Variants in CHL1 observed in about 807,000 individuals in gnomAD.
CHL1 encodes the protein cell adhesion molecule L1 like, also known as neural cell adhesion molecule L1-like protein.
A neutral mutation model predicts 141.9 loss-of-function variants in CHL1; 96 were observed. The observed-to-expected ratio is 0.68, with a 90% CI of 0.57 to 0.80. The LOEUF (loss-of-function observed/expected upper bound fraction) is 0.80. CHL1 is among the 30% of genes least tolerant of loss of function. The probability of loss-of-function intolerance (pLI) is 0.00; values close to 1 mark genes in which losing one functional copy is unlikely to be tolerated. For missense variants in CHL1, 1,820 were observed against 1,457.2 expected (o/e 1.25, Z -4.05); for synonymous variants, 613 against 502.2 (o/e 1.22, Z -2.95).
intron 1 of CHL1, among the ~76,000 whole-genome samples, chr3:207,599 T>C (rs896249279): frequency 2.2e-4 from 33 of 152,224 alleles, no homozygotes; most frequent in African/African-American, 7.7e-4. Context: ...TTAACATCTA[T>C]CACCTATATC....
chr3:301,983 G>A (rs140131313), intron 2 of CHL1, among the ~76,000 whole-genome samples: 16 of 152,260 alleles, frequency 1.1e-4, no homozygotes, highest in Middle Eastern at 3.4e-3. Flanking sequence ...CCACTTATGC[G>A]TGAGAATATG....
At chr3:238,583 C>T (rs1217986264) in intron 1 of CHL1, among the ~76,000 whole-genome samples, 1 of 151,906 alleles carries the variant, frequency 6.6e-6, no homozygotes, top group Non-Finnish European at 1.5e-5. Flanking sequence ...TCATTTTTCC[C>T]CGACCTGGAC....
intron 2 of CHL1, among the ~76,000 whole-genome samples, chr3:261,939 C>T (rs60985252): frequency 0.051 from 7,625 of 149,976 alleles, 713 homozygotes; most frequent in African/African-American, 0.18. Context: ...CAGATCTACA[C>T]AGTACTCACA....
chr3:391,290 T>C, intron 22 of CHL1, 131 bp downstream of exon 22: 1 of 696,478 alleles, frequency 1.4e-6, no homozygotes, highest in Non-Finnish European at 2.4e-6. Context: ...CCAAGGCAGA[T>C]GGATCACTTG....
At chr3:333,515 C>T (rs180682297) in intron 5 of CHL1, among the ~76,000 whole-genome samples, 29 of 151,514 alleles carry the variant, frequency 1.9e-4, no homozygotes, top group Non-Finnish European at 3.8e-4. Context: ...AAAGAAACAA[C>T]AACAACAAGA....
intron 1 of CHL1, among the ~76,000 whole-genome samples, chr3:221,829 A>T (rs1700868497): frequency 6.6e-6 from 1 of 152,246 alleles, no homozygotes; most frequent in Non-Finnish European, 1.5e-5. Context: ...ATATTAATCC[A>T]TTGTGCCTTA....
chr3:382,196 G>A lies in CHL1; in HGVS notation c.1894G>A (p.Glu632Lys), dbSNP rs200475792. 3.2e-5 allele frequency: 52 copies of A among 1,613,288 alleles called. No individual in the cohort carries two copies. The African/African-American group carries it at 5.2e-4, about 16-fold the overall frequency. Residue 632 changes from glutamate (E) to lysine (K), a missense_variant, in exon 17 of 28, where the codon GAA (glutamate) becomes AAA (lysine). Transcript: ENST00000256509. ...VTVLDVPDPP[E>K]NLHLSERQNR... Reference sequence around the variant, plus strand: ...TTAATTAGATGTTCCGGATCCACCAGAAAACCTTCACTTGTCTGAAAGACA... The same window carrying A: ...TTAATTAGATGTTCCGGATCCACCAAAAAACCTTCACTTGTCTGAAAGACA...
At chr3:254,226 C>T (rs1306709829) in intron 2 of CHL1, among the ~76,000 whole-genome samples, 1 of 152,198 alleles carries the variant, frequency 6.6e-6, no homozygotes, top group Admixed American at 6.5e-5. Flanking sequence ...AAAGGCCCAA[C>T]ACCATCAGCT....
intron 22 of CHL1, among the ~76,000 whole-genome samples, chr3:391,455 G>C (rs1028342244): frequency 5.3e-5 from 8 of 152,168 alleles, no homozygotes; most frequent in Non-Finnish European, 2.9e-5. Flanking sequence ...GGCGGAGGTT[G>C]CAATGAGCCA....
chr3:319,752 C>T lies in CHL1; in HGVS notation c.-25C>T, dbSNP rs201584750. On this transcript the variant is annotated 5_prime_UTR_variant, in exon 3 of 28. Coordinates refer to ENST00000256509, the MANE Select transcript of CHL1 (RefSeq NM_006614.4). ...GAGACATTAAGATTTTCATTCTTAC[C>T]GGGTTGTCTTCTTCCTGAAGAGCAA... The T allele has an allele frequency of 8.4e-5, 124 of 1,476,986 alleles. No homozygotes were observed. The African/African-American group carries it at 9.0e-4, about 11-fold the overall frequency. 91.5% of individuals were successfully genotyped at this position (1,476,986 alleles called of 1,614,324 possible). A position where few individuals can be genotyped will look rare whatever the true frequency, so the allele number is the denominator to read the frequency against.
chr3:258,878 T>A (rs1574884419), intron 2 of CHL1, among the ~76,000 whole-genome samples: 1 of 152,104 alleles, frequency 6.6e-6, no homozygotes, highest in African/African-American at 2.4e-5. Context: ...CTTTTTTTTT[T>A]TATAAAGAAG....
At chr3:342,953 T>C in intron 7 of CHL1, 31 bp from the exon 8 acceptor site, 2 of 1,567,888 alleles carry the variant, frequency 1.3e-6, no homozygotes, top group Non-Finnish European at 1.7e-6. Context: ...CCATTATGTT[T>C]GTGTTTTTTC....
intron 5 of CHL1, among the ~76,000 whole-genome samples, chr3:339,403 A>G (rs1702188905): frequency 6.6e-6 from 1 of 152,206 alleles, no homozygotes. Context: ...GGGAAATTTC[A>G]TGCTACCTAT....
chr3:323,326 T>G (rs1343402893), intron 3 of CHL1, among the ~76,000 whole-genome samples: 1 of 152,094 alleles, frequency 6.6e-6, no homozygotes, highest in Non-Finnish European at 1.5e-5. Context: ...TTAATACTGC[T>G]GATTAGATCA....
chr3:391,933 G>A (rs1708261941), intron 23 of CHL1, 136 bp downstream of exon 23: 3 of 674,528 alleles, frequency 4.4e-6, no homozygotes, highest in Non-Finnish European at 6.9e-6. Flanking sequence ...GTAGCCCAGG[G>A]GTCTGTAAAC....
intron 2 of CHL1, among the ~76,000 whole-genome samples, chr3:301,072 A>T (rs1050804463): frequency 1.3e-5 from 2 of 152,196 alleles, no homozygotes; most frequent in African/African-American, 2.4e-5. Flanking sequence ...ATGACATGCC[A>T]TTGAAGGTTT....
chr3:357,563 G>T (rs565991287), intron 11 of CHL1, among the ~76,000 whole-genome samples: 1 of 152,280 alleles, frequency 6.6e-6, no homozygotes, highest in African/African-American at 2.4e-5. Flanking sequence ...ATTAACTCCA[G>T]AGCTGAAGTT....
intron 15 of CHL1, among the ~76,000 whole-genome samples, chr3:369,694 T>G (rs1321486717): frequency 6.6e-6 from 1 of 152,230 alleles, no homozygotes; most frequent in Non-Finnish European, 1.5e-5. Context: ...AAGGGAATGC[T>G]TCCAGCTTTT....
chr3:221,791 A>G (rs1014834596), intron 1 of CHL1, among the ~76,000 whole-genome samples: 1 of 152,252 alleles, frequency 6.6e-6, no homozygotes, highest in Admixed American at 6.5e-5. Flanking sequence ...TAACAAGAAC[A>G]TAGATGCTAC....
Sources: gnomAD v4.1 joint callset for allele counts (sites outside exome capture counted in the v4.1 genomes callset) on GRCh38, gnomAD v4.1.1 for gene constraint, MANE v1.5 for transcripts, NCBI Gene and HGNC (gene_info 2026-07-23, HGNC 2026-07-21) for gene names.